The following FAHD2B variants were observed in gnomAD, a reference collection of about 807,000 sequenced individuals.
The protein encoded by FAHD2B is oxaloacetate tautomerase FAHD2B, mitochondrial.
In FAHD2B, 26 loss-of-function variants were observed where a neutral mutation model predicts 33.7. The observed-to-expected ratio is 0.77, with a 90% CI of 0.57 to 1.07. FAHD2B has a LOEUF of 1.07. Among genes scored for constraint, FAHD2B ranks in the 50% least tolerant of loss-of-function variants. FAHD2B has a pLI of 0.00. For missense variants in FAHD2B, 272 were observed against 388.1 expected, an observed-to-expected ratio of 0.70 and a Z score of 2.51; for synonymous variants, 108 against 150.9, an observed-to-expected ratio of 0.72 and a Z score of 2.08.
downstream of FAHD2B, chr2:97,081,258 T>C (rs1221587818): frequency 6.8e-7 from 1 of 1,476,144 alleles, no homozygotes; most frequent in Non-Finnish European, 9.0e-7. Context: ...AGGTCAGGCC[T>C]CCCCTACGGC....
intron 4 of FAHD2B, among the ~76,000 whole-genome samples, chr2:97,088,406 A>G (rs2032129223): frequency 6.6e-6 from 1 of 152,032 alleles, no homozygotes; most frequent in South Asian, 2.1e-4. Context: ...ATGATAGTGA[A>G]TGGGTCTCAC....
chr2:97,086,254 G>A (rs953251258), intron 4 of FAHD2B, 56 bp from the exon 5 acceptor site: 29 of 1,592,464 alleles, frequency 1.8e-5, no homozygotes, highest in Non-Finnish European at 2.3e-5. Context: ...CATTATCTAT[G>A]CTCAGAGGCT....
chr2:97,087,693 A>G (rs2032081101), intron 4 of FAHD2B, among the ~76,000 whole-genome samples: 1 of 152,086 alleles, frequency 6.6e-6, no homozygotes, highest in Non-Finnish European at 1.5e-5. Flanking sequence ...AGACTCCATC[A>G]CAAAAGAAAA....
At chr2:97,093,471 CTTTTTT>C (rs34927915) in intron 1 of FAHD2B, among the ~76,000 whole-genome samples, 9 of 92,108 alleles carry the variant, frequency 9.8e-5, no homozygotes, top group South Asian at 3.0e-4. Flanking sequence ...TGATTTAATT[CTTTTTT>C]TTTTTTTTTT....
At chr2:97,079,281 T>C (rs2031571954), downstream of FAHD2B, among the ~76,000 whole-genome samples, 1 of 152,150 alleles carries the variant, frequency 6.6e-6, no homozygotes, top group African/African-American at 2.4e-5. Flanking sequence ...CCTTTGGTTA[T>C]ATACCCAGTA....
At chr2:97,085,963 G>C (rs2031956514) in intron 5 of FAHD2B, 102 bp from the exon 6 acceptor site, 2 of 1,542,104 alleles carry the variant, frequency 1.3e-6, no homozygotes, top group Admixed American at 1.8e-5. Context: ...TTAGTAGCCA[G>C]AGCCAGCCAA....
chr2:97,094,243 A>G (rs2918938), intron 1 of FAHD2B, among the ~76,000 whole-genome samples: 1 of 152,036 alleles, frequency 6.6e-6, no homozygotes, highest in Admixed American at 6.6e-5. Context: ...CCCACATGAC[A>G]CACACATGCA....
In FAHD2B at chr2:97,090,290, G is replaced by A. The variant is rs757537768; in HGVS notation, c.281C>T (p.Ser94Leu). 26 of 1,613,556 alleles carry A rather than the reference G, an allele frequency of 1.6e-5. No homozygotes were observed. Among genetic ancestry groups the A allele is most frequent in the East Asian group, 4.5e-5 (2 of 44,884 alleles). The change falls in exon 4 of 9, where the codon TCG (serine) becomes TTG (leucine). Residue 94 changes from serine (S) to leucine (L), a missense_variant. Transcript: ENST00000414820. Reference protein sequence around the residue: ...LAAQLPVLPWSEVTFLAPVTW... With the variant: ...LAAQLPVLPWLEVTFLAPVTW... Reference sequence around the variant, plus strand: ...GACTGGAGCCAGGAAGGTTACCTCCGACCATGGTAGGACTGGCAACTGGGC... The same window carrying A: ...GACTGGAGCCAGGAAGGTTACCTCCAACCATGGTAGGACTGGCAACTGGGC...
At chr2:97,080,899 G>A (rs1456343083), downstream of FAHD2B, among the ~76,000 whole-genome samples, 1 of 152,128 alleles carries the variant, frequency 6.6e-6, no homozygotes, top group Admixed American at 6.6e-5. Flanking sequence ...TGTTGTTGGT[G>A]TATAGAAATG....
At chr2:97,082,581 A>G, downstream of FAHD2B, 2 of 1,577,646 alleles carry the variant, frequency 1.3e-6, no homozygotes, top group Admixed American at 1.7e-5. Flanking sequence ...GAGTACAGAC[A>G]GTCTTCTGTC....
chr2:97,087,014 C>G (rs544470156), intron 4 of FAHD2B: 1 of 152,204 alleles, frequency 6.6e-6, no homozygotes, highest in African/African-American at 2.4e-5. Flanking sequence ...AAGGAATTCA[C>G]AGTGATATTG....
At chr2:97,084,910 CAAAAA>C (rs11314789) in intron 6 of FAHD2B, among the ~76,000 whole-genome samples, 1 of 67,934 alleles carries the variant, frequency 1.5e-5, no homozygotes, top group African/African-American at 4.2e-5. Flanking sequence ...AAGACCATGC[CAAAAA>C]AAAAAAAAAA....
intron 4 of FAHD2B, 136 bp from the exon 5 acceptor site, chr2:97,086,334 C>G: frequency 8.0e-7 from 1 of 1,249,082 alleles, no homozygotes; most frequent in Non-Finnish European, 1.1e-6. Context: ...GAACCAGAGC[C>G]CAGTGAATGA....
At chr2:97,089,909 T>C in intron 4 of FAHD2B, 200 bp downstream of exon 4, 1 of 614,094 alleles carries the variant, frequency 1.6e-6, no homozygotes, top group Non-Finnish European at 2.9e-6. Flanking sequence ...ACAGTGAAGG[T>C]GTATTGCTTT....
intron 1 of FAHD2B, among the ~76,000 whole-genome samples, chr2:97,094,172 C>G (rs1406375756): frequency 6.6e-6 from 1 of 152,092 alleles, no homozygotes; most frequent in Non-Finnish European, 1.5e-5. Flanking sequence ...GCTATTGCCT[C>G]AGGGACGAGG....
At position 97,090,307 on chromosome 2, in the gene FAHD2B, C is replaced by A; in HGVS notation, c.264G>T (p.Leu88Phe). ...SVARRALAAQ[L>F]PVLPWSEVTF... ...TTACCTCCGACCATGGTAGGACTGG[C>A]AACTGGGCAGCCAAGGCTCTGTAGA... The change falls in exon 4 of 9, where the codon TTG becomes TTT. Residue 88 changes from leucine (L) to phenylalanine (F), a missense_variant. Transcript: ENST00000414820. The A allele has an allele frequency of 6.2e-7, 1 of 1,612,576 alleles. No individual in the cohort carries two copies. The highest frequency in any genetic ancestry group is 1.1e-5 in the South Asian group (1 of 90,690).
chr2:97,085,737 G>A lies in FAHD2B; in HGVS notation c.647C>T (p.Pro216Leu). The change falls in exon 6 of 9, where the codon CCT becomes CTT. Residue 216 changes from proline (P) to leucine (L), a missense_variant. Pro to Leu is a moderately conservative substitution (Grantham distance 98). Transcript: ENST00000414820. Reference sequence around the variant, plus strand: ...CTTGGTCACCAAGGCAGGGCCCAGAGGGCAGAAGGTGTCGAAGGTTTTTCC... The same window carrying A: ...CTTGGTCACCAAGGCAGGGCCCAGAAGGCAGAAGGTGTCGAAGGTTTTTCC... Reference protein sequence around the residue: ...LLGKTFDTFCPLGPALVTKDS... With the variant: ...LLGKTFDTFCLLGPALVTKDS... 1 of 1,613,818 alleles carries A rather than the reference G, an allele frequency of 6.2e-7. No individual in the cohort carries two copies. The highest frequency in any genetic ancestry group is 1.1e-5 in the South Asian group (1 of 90,988).
At chr2:97,085,523 A>G (rs2031917651) in intron 6 of FAHD2B, among the ~76,000 whole-genome samples, 176 bp downstream of exon 6, 1 of 152,084 alleles carries the variant, frequency 6.6e-6, no homozygotes, top group Non-Finnish European at 1.5e-5. Flanking sequence ...GGGCTTGGGA[A>G]GGAAGCCCAT....
downstream of FAHD2B, chr2:97,083,121 T>C (rs1461245077): frequency 1.3e-6 from 2 of 1,548,678 alleles, no homozygotes; most frequent in Non-Finnish European, 1.7e-6. Context: ...AGCGCACTCA[T>C]GGCGCATCTT....
Sources: gnomAD v4.1 joint callset for allele counts (sites outside exome capture counted in the v4.1 genomes callset) on GRCh38, gnomAD v4.1.1 for gene constraint, MANE v1.5 for transcripts, NCBI Gene and HGNC (gene_info 2026-07-23, HGNC 2026-07-21) for gene names.